The following CPNE9 variants were observed in gnomAD, a reference collection of about 807,000 sequenced individuals.
CPNE9 encodes copine-9.
Under a neutral mutation model 83.0 loss-of-function variants are expected in CPNE9, and 59 were observed. That is an observed-to-expected ratio of 0.71 (90% CI 0.58 to 0.88). The LOEUF (loss-of-function observed/expected upper bound fraction) is 0.88, where lower values mean the gene tolerates loss of function less well. Ranked by LOEUF, CPNE9 falls within the 40% of genes least tolerant of loss-of-function variation. The pLI, the probability that CPNE9 is intolerant of heterozygous loss-of-function variation, is 0.00. For missense variants in CPNE9, 619 were observed against 720.8 expected (o/e 0.86, Z 1.62); for synonymous variants, 256 against 273.4 (o/e 0.94, Z 0.63).
At position 9,725,982 on chromosome 3, in the gene CPNE9, CTA is replaced by C; in HGVS notation, c.1277_1278del (p.Tyr426CysfsTer7). Reference sequence around the variant, plus strand: ...CCAAGATCTCTGATGGCTCCCAGTACTATGTTCTGCTCATCATCACTGATGGG... The same window carrying C: ...CCAAGATCTCTGATGGCTCCCAGTACTGTTCTGCTCATCATCACTGATGGG... The part of the protein sequence containing the change: ...AAKISDGSQY[Y>X]VLLIITDGVI... On this transcript the variant is annotated frameshift_variant, in exon 18 of 21. Coordinates refer to ENST00000383832, the MANE Select transcript of CPNE9 (RefSeq NM_153635.3). LOFTEE classifies it high-confidence loss of function. 1 of 1,613,516 alleles carries C rather than the reference CTA, an allele frequency of 6.2e-7. No homozygotes were observed. Among genetic ancestry groups the C allele is most frequent in the South Asian group, 1.1e-5 (1 of 91,062 alleles).
At chr3:9,715,668 C>T (rs966597598) in intron 13 of CPNE9, 142 bp downstream of exon 13, 12 of 726,068 alleles carry the variant, frequency 1.7e-5, no homozygotes, top group Admixed American at 2.8e-5. Flanking sequence ...AGGAGCACCA[C>T]TTAAGTTTTT....
In CPNE9 at chr3:9,718,082, G is replaced by A. The variant is rs1212076218; in HGVS notation, c.985G>A (p.Ala329Thr). The change falls in exon 16 of 21, where the codon GCC becomes ACC. Residue 329 changes from alanine to threonine, a missense_variant. Ala to Thr is a moderately conservative substitution (Grantham distance 58, BLOSUM62 0). Coordinates refer to ENST00000383832, the MANE Select transcript of CPNE9 (RefSeq NM_153635.3). ...LHYMSPYQLS[A>T]YAMALKAVGE... Reference sequence around the variant, plus strand: ...CTACATGAGTCCCTACCAGCTCAGCGCCTATGCCATGGCCCTCAAGGCAGT... The same window carrying A: ...CTACATGAGTCCCTACCAGCTCAGCACCTATGCCATGGCCCTCAAGGCAGT... 6 of 1,613,974 alleles carry A rather than the reference G, an allele frequency of 3.7e-6. No homozygotes were observed. In the African/African-American group the frequency reaches 4.0e-5, roughly 11 times the overall value.
chr3:9,712,692 G>A (rs781695937), intron 8 of CPNE9, 33 bp from the exon 9 acceptor site: 2 of 1,608,092 alleles, frequency 1.2e-6, no homozygotes, highest in African/African-American at 2.7e-5. Flanking sequence ...TGGACAATTG[G>A]GGTGCCACCA....
intron 15 of CPNE9, 133 bp from the exon 16 acceptor site, chr3:9,717,896 G>A: frequency 1.4e-6 from 1 of 691,914 alleles, no homozygotes; most frequent in Middle Eastern, 2.9e-4. Flanking sequence ...GGATGATTGG[G>A]TAAAATAAGG....
At chr3:9,706,264 CTT>C (rs367590171) in intron 7 of CPNE9, among the ~76,000 whole-genome samples, 1 of 145,648 alleles carries the variant, frequency 6.9e-6, no homozygotes. Context: ...CTTTTCTTTT[CTT>C]TTTTTTTTTT....
At position 9,704,021 on chromosome 3, in the gene CPNE9, C is replaced by G. The variant is rs369359015; in HGVS notation, c.25C>G (p.Arg9Gly). 5.3e-5 allele frequency: 86 copies of G among 1,607,684 alleles called. No homozygotes were observed. The Admixed American group carries it at 5.4e-4, about 10-fold the overall frequency. MSLGGASE[R>G]SVPATKIEIT... ...CATGTCTCTCGGCGGAGCCTCCGAG[C>G]GCAGCGTCCCGGCCACCAAGATTGA... Residue 9 changes from arginine to glycine, a missense_variant, in exon 1 of 21, where the codon CGC (arginine) becomes GGC (glycine). Transcript: ENST00000383832. This position sits in a 1 kb window ranked among gnomAD's most constrained non-coding sequence, Gnocchi z 7.1.
intron 17 of CPNE9, among the ~76,000 whole-genome samples, chr3:9,722,613 C>A (rs971080722): frequency 2.0e-5 from 3 of 152,006 alleles, no homozygotes; most frequent in African/African-American, 7.3e-5. Flanking sequence ...TGGGCTCAAG[C>A]GATCCTCCCT....
intron 20 of CPNE9, among the ~76,000 whole-genome samples, chr3:9,728,831 ACTC>A (rs1295363452): frequency 1.4e-5 from 2 of 145,764 alleles, no homozygotes; most frequent in African/African-American, 5.1e-5. Context: ...CTTCTCACAG[ACTC>A]CTCCTCCTTC....
chr3:9,727,124 T>G lies in CPNE9; in HGVS notation c.1414T>G (p.Leu472Val). The G allele has an allele frequency of 1.2e-6, 2 of 1,613,744 alleles. No homozygotes were observed. Among genetic ancestry groups the G allele is most frequent in the Non-Finnish European group, 1.7e-6 (2 of 1,179,920 alleles). ...GPAMFEAMEE[L>V]DGDDVRVSSR... Reference sequence around the variant, plus strand: ...TGTCTTTTCTGCAGCAATGGAAGAGTTGGACGGTGATGATGTGCGCGTGTC... The same window carrying G: ...TGTCTTTTCTGCAGCAATGGAAGAGGTGGACGGTGATGATGTGCGCGTGTC... The change falls in exon 20 of 21, where the codon TTG (leucine) becomes GTG (valine). Residue 472 changes from leucine (L) to valine (V), a missense_variant. By Grantham distance (32) the Leu-to-Val change is conservative. Around this residue, in one of 3 missense-constraint regions of CPNE9, gnomAD observed 438 missense variants for 562.9 expected, o/e 0.78. Transcript: ENST00000383832.
At chr3:9,717,345 G>A (rs1023454283) in intron 15 of CPNE9, among the ~76,000 whole-genome samples, 2 of 152,160 alleles carry the variant, frequency 1.3e-5, no homozygotes, top group African/African-American at 4.8e-5. Context: ...GAGAGAAAGG[G>A]GGTATAAGGA....
At chr3:9,724,078 A>C (rs2076755520) in intron 17 of CPNE9, among the ~76,000 whole-genome samples, 1 of 152,138 alleles carries the variant, frequency 6.6e-6, no homozygotes, top group Non-Finnish European at 1.5e-5. Context: ...TTCAATAGCC[A>C]AGGCTACCTT....
chr3:9,728,818 C>A (rs2076805654), intron 20 of CPNE9, among the ~76,000 whole-genome samples: 1 of 151,852 alleles, frequency 6.6e-6, no homozygotes, highest in Admixed American at 6.6e-5. Context: ...CTCTTCCCAG[C>A]CCCTTCTCAC....
Position 9,719,809 on chromosome 3 carries a change from T to C in CPNE9, c.1241+1207T>C, listed in dbSNP as rs570579268. 6.6e-5 allele frequency among the ~76,000 whole-genome samples: 10 copies of C among 151,912 alleles called. No homozygotes were observed. In the South Asian group the frequency reaches 1.9e-3, roughly 28 times the overall value. On this transcript the variant is annotated intron_variant, in intron 17 of 20. Coordinates refer to ENST00000383832, the MANE Select transcript of CPNE9 (RefSeq NM_153635.3). ...GAGTTCAAGACCAGCCTGGCCAAGA[T>C]GGTGAAACCCCGTCTCTACTGAAAA...
At position 9,703,937 on chromosome 3, in the gene CPNE9, C is replaced by A; in HGVS notation, c.-60C>A. 1 of 1,449,242 alleles carries A rather than the reference C, an allele frequency of 6.9e-7. No homozygotes were observed. The highest frequency in any genetic ancestry group is 9.3e-7 in the Non-Finnish European group (1 of 1,071,442). 89.8% of individuals were successfully genotyped at this position (1,449,242 alleles called of 1,614,324 possible). ...TGGGCCGGCCCCGCCGCTGCCGTCGCCCCTAGCCCCAGCAGCCCTGGTCTC... is the reference window on the plus strand; with the variant it reads ...TGGGCCGGCCCCGCCGCTGCCGTCGACCCTAGCCCCAGCAGCCCTGGTCTC... On this transcript the variant is annotated 5_prime_UTR_variant, in exon 1 of 21. Coordinates refer to ENST00000383832, the MANE Select transcript of CPNE9 (RefSeq NM_153635.3).
At chr3:9,707,242 G>A (rs112635650) in intron 7 of CPNE9, among the ~76,000 whole-genome samples, 136 of 150,168 alleles carry the variant, frequency 9.1e-4, no homozygotes, top group African/African-American at 3.1e-3. Flanking sequence ...AGTCCCAGCT[G>A]CTTGGGAGGC....
intron 17 of CPNE9, among the ~76,000 whole-genome samples, chr3:9,722,820 G>A (rs567432233): frequency 2.4e-4 from 36 of 152,156 alleles, no homozygotes; most frequent in South Asian, 1.0e-3. Flanking sequence ...CAGCCTCTCC[G>A]CTGTAGTTCT....
chr3:9,704,707 G>A lies in CPNE9; in HGVS notation c.110-42G>A. On this transcript the variant is annotated intron_variant, in intron 2 of 20. Transcript: ENST00000383832. This position sits in a 1 kb window ranked among gnomAD's most constrained non-coding sequence, Gnocchi z 7.1. ...GCGGGTGGAGTCGGGGCCAGGGGTG[G>A]GAGCCGACCTGACGTCCTTCCCTCC... 5.0e-6 allele frequency: 8 copies of A among 1,611,720 alleles called. No individual in the cohort carries two copies. Among genetic ancestry groups the A allele is most frequent in the Non-Finnish European group, 6.8e-6 (8 of 1,178,572 alleles).
intron 20 of CPNE9, chr3:9,727,593 G>T: frequency 1.7e-6 from 1 of 597,316 alleles, no homozygotes. Context: ...AAGCATTACA[G>T]GGAGAGGAGC....
At position 9,729,608 on chromosome 3, in the gene CPNE9, G is replaced by C. The variant is rs771150063; in HGVS notation, c.1578G>C (p.Leu526=). 15 of 1,614,032 alleles carry C rather than the reference G, an allele frequency of 9.3e-6. No homozygotes were observed. The African/African-American group carries it at 1.5e-4, about 16-fold the overall frequency. ...DVLAEIPEQL[L]SYMRTRDIQP... ...TGGCCGAGATCCCGGAGCAGCTGCT[G>C]TCCTATATGCGCACCAGAGACATCC... The change falls in exon 21 of 21, where the codon CTG becomes CTC. Residue 526 remains leucine (L), a synonymous_variant. Transcript: ENST00000383832.
Sources: allele counts gnomAD v4.1 joint callset (sites outside exome capture counted in the v4.1 genomes callset), GRCh38; gene constraint gnomAD v4.1.1; regional missense constraint gnomAD v4.1.1; non-coding constraint Gnocchi (gnomAD v3.1); transcripts MANE v1.5; gene names NCBI Gene and HGNC (gene_info 2026-07-23, HGNC 2026-07-21).